The following ABCB1 variants were observed in gnomAD, a reference collection of about 807,000 sequenced individuals.
The protein encoded by ABCB1 is ATP-dependent translocase ABCB1.
ABCB1 carries 69 observed loss-of-function variants against 142.0 expected under a neutral mutation model. The observed-to-expected ratio is 0.49, with a 90% confidence interval of 0.40 to 0.59. The LOEUF is 0.59. Ranked by LOEUF, ABCB1 falls within the 20% of genes least tolerant of loss-of-function variation. The probability of loss-of-function intolerance (pLI) is 0.00; values close to 1 mark genes in which losing one functional copy is unlikely to be tolerated. For synonymous variants in ABCB1, 532 were observed against 539.2 expected (o/e 0.99, Z 0.18); for missense variants, 1,326 against 1,554.7 (o/e 0.85, Z 2.47).
At chr7:87,560,296 T>C (rs1427611522) in intron 8 of ABCB1, among the ~76,000 whole-genome samples, 1 of 152,218 alleles carries the variant, frequency 6.6e-6, no homozygotes, top group Non-Finnish European at 1.5e-5. Context: ...TTAACCATTA[T>C]AAATTATTCT....
intron 1 of ABCB1, among the ~76,000 whole-genome samples, chr7:87,655,190 C>G (rs1009970015): frequency 6.6e-6 from 1 of 151,954 alleles, no homozygotes; most frequent in Non-Finnish European, 1.5e-5. Context: ...AAAATAGAAC[C>G]TCCATGTAAA....
At chr7:87,631,971 GTAA>G (rs1482090865) in intron 1 of ABCB1, among the ~76,000 whole-genome samples, 2 of 152,092 alleles carry the variant, frequency 1.3e-5, no homozygotes, top group African/African-American at 4.8e-5. Flanking sequence ...TATGAGCAGG[GTAA>G]TAATGATAAG....
chr7:87,568,099 T>A (rs1225580520), intron 5 of ABCB1, among the ~76,000 whole-genome samples: 3 of 141,108 alleles, frequency 2.1e-5, no homozygotes, highest in Non-Finnish European at 4.6e-5. Context: ...CTGGACTCCA[T>A]CTCAAAAAAA....
At chr7:87,599,657 G>T (rs926328624) in intron 2 of ABCB1, among the ~76,000 whole-genome samples, 1 of 152,206 alleles carries the variant, frequency 6.6e-6, no homozygotes, top group African/African-American at 2.4e-5. Context: ...GACTAAGAAC[G>T]GTTGGATAGG....
At chr7:87,673,442 C>T (rs1226348647) in intron 1 of ABCB1, among the ~76,000 whole-genome samples, 1 of 152,074 alleles carries the variant, frequency 6.6e-6, no homozygotes, top group Non-Finnish European at 1.5e-5. Context: ...CTTTTTCTGA[C>T]TGAGCTAATT....
intron 1 of ABCB1, among the ~76,000 whole-genome samples, chr7:87,637,297 G>A (rs1400814563): frequency 6.6e-6 from 1 of 152,132 alleles, no homozygotes; most frequent in African/African-American, 2.4e-5. Flanking sequence ...TCTCTCCTGA[G>A]CTAATATCGT....
chr7:87,637,362 T>A (rs1354171890), intron 1 of ABCB1, among the ~76,000 whole-genome samples: 4 of 152,056 alleles, frequency 2.6e-5, no homozygotes, highest in Non-Finnish European at 4.4e-5. Context: ...TAATATAAGT[T>A]ATCTAGCTTT....
intron 17 of ABCB1, among the ~76,000 whole-genome samples, chr7:87,543,593 C>T (rs1325265652): frequency 3.9e-5 from 6 of 152,106 alleles, no homozygotes; most frequent in African/African-American, 1.4e-4. Context: ...TTGAAAATGC[C>T]ACCATTAAGA....
rs1265867623 is a variant in ABCB1, at chr7:87,521,662, G to C, written c.2686-786C>G. 1.1e-5 allele frequency: 9 copies of C among 844,052 alleles called. No homozygotes were observed. In the East Asian group the frequency reaches 1.4e-4, roughly 14 times the overall value. 52.3% of individuals were successfully genotyped at this position (844,052 alleles called of 1,614,324 possible). On this transcript the variant is annotated intron_variant, in intron 21 of 27. Transcript: ENST00000622132. ...GTTTGTCACATATGCCACTGTGGAGGAGGTGGATGCAGCCATGAATGCAAG... is the reference window on the plus strand; with the variant it reads ...GTTTGTCACATATGCCACTGTGGAGCAGGTGGATGCAGCCATGAATGCAAG...
intron 1 of ABCB1, among the ~76,000 whole-genome samples, chr7:87,686,515 A>G (rs1563133449): frequency 6.6e-6 from 1 of 152,232 alleles, no homozygotes; most frequent in Non-Finnish European, 1.5e-5. Flanking sequence ...CTGGTAGGCC[A>G]CATAGATTAA....
chr7:87,556,984 C>T (rs554478702), intron 8 of ABCB1, among the ~76,000 whole-genome samples: 1 of 152,230 alleles, frequency 6.6e-6, no homozygotes, highest in East Asian at 1.9e-4. Context: ...CCCATCCCAT[C>T]TCTGTTCCCA....
At chr7:87,601,113 G>A (rs1819438886), upstream of ABCB1, 2 of 152,210 alleles carry the variant, frequency 1.3e-5, no homozygotes, top group South Asian at 4.1e-4. Context: ...CGCATCAGCT[G>A]AATCATTGGG....
intron 1 of ABCB1, among the ~76,000 whole-genome samples, chr7:87,699,075 C>G (rs1159681159): frequency 6.6e-6 from 1 of 152,122 alleles, no homozygotes; most frequent in African/African-American, 2.4e-5. Flanking sequence ...TCAAGTTACA[C>G]TAATGTTCTG....
intron 1 of ABCB1, among the ~76,000 whole-genome samples, chr7:87,658,982 T>C (rs1824417430): frequency 1.3e-5 from 2 of 152,164 alleles, no homozygotes; most frequent in African/African-American, 4.8e-5. Flanking sequence ...CAAAACCCTG[T>C]CTCTACAAAA....
At chr7:87,701,109 A>G (rs1450322801) in intron 1 of ABCB1, among the ~76,000 whole-genome samples, 1 of 152,250 alleles carries the variant, frequency 6.6e-6, no homozygotes, top group Non-Finnish European at 1.5e-5. Flanking sequence ...TTTCTGCAGC[A>G]TACTGAAATA....
At chr7:87,705,860 T>C (rs1362685502) in intron 1 of ABCB1, among the ~76,000 whole-genome samples, 1 of 152,156 alleles carries the variant, frequency 6.6e-6, no homozygotes, top group Non-Finnish European at 1.5e-5. Flanking sequence ...TTGCAGATAT[T>C]TACATTGGGT....
At chr7:87,609,348 G>T (rs1819767693) in intron 1 of ABCB1, among the ~76,000 whole-genome samples, 1 of 152,040 alleles carries the variant, frequency 6.6e-6, no homozygotes, top group African/African-American at 2.4e-5. Flanking sequence ...TTAATTTCAT[G>T]CTCTAGTTTT....
chr7:87,563,262 G>A (rs1817646103), intron 7 of ABCB1: 2 of 350,354 alleles, frequency 5.7e-6, no homozygotes, highest in South Asian at 4.7e-5. Context: ...CATTCCTACT[G>A]AAAATGTTCC....
At chr7:87,643,752 C>A (rs1242927869) in intron 1 of ABCB1, among the ~76,000 whole-genome samples, 1 of 151,998 alleles carries the variant, frequency 6.6e-6, no homozygotes, top group Non-Finnish European at 1.5e-5. Flanking sequence ...GTCTCGAACT[C>A]CTGAGCTCAG....
Sources: allele counts gnomAD v4.1 joint callset (sites outside exome capture counted in the v4.1 genomes callset), GRCh38; gene constraint gnomAD v4.1.1; transcripts MANE v1.5; gene names NCBI Gene and HGNC (gene_info 2026-07-23, HGNC 2026-07-21).